TEX11: variants seen among roughly 807,000 people sequenced by gnomAD.
TEX11 encodes testis expressed 11.
Under a neutral mutation model 84.4 loss-of-function variants are expected in TEX11, and 7 were observed. The observed-to-expected ratio is 0.08, with a 90% CI of 0.05 to 0.16. The LOEUF is 0.16. TEX11 is among the 10% of genes least tolerant of loss of function. The pLI, the probability that TEX11 is intolerant of heterozygous loss-of-function variation, is 1.00. For missense variants in TEX11, 551 were observed against 660.5 expected (o/e 0.83, Z 1.82); for synonymous variants, 264 against 222.8 (o/e 1.18, Z -1.64).
At chrX:70,801,872 A>G (rs1569444990) in intron 9 of TEX11, among the ~76,000 whole-genome samples, 1 of 111,127 alleles carries the variant, frequency 9.0e-6, no homozygotes, top group Non-Finnish European at 1.9e-5. Context: ...TGTACTCTAG[A>G]GAAGTATTCC....
At position 70,569,390 on chromosome X, in the gene TEX11, C is replaced by T. The variant is rs140378364; in HGVS notation, c.2141-14590G>A. 6.3e-3 allele frequency among the ~76,000 whole-genome samples: 708 copies of T among 111,975 alleles called. 5 individuals carry two copies. The highest frequency in any genetic ancestry group is 0.02 in the African/African-American group (627 of 30,816). ...CTCAGAGTAGTTTGATTGTCTGAAGCCTTCTTCTCTCACCTCGTCAAAGTC... is the reference window on the plus strand; with the variant it reads ...CTCAGAGTAGTTTGATTGTCTGAAGTCTTCTTCTCTCACCTCGTCAAAGTC... On this transcript the variant is annotated intron_variant, in intron 25 of 29. Transcript: ENST00000374333.
chrX:70,660,028 T>C (rs770792375), intron 16 of TEX11, among the ~76,000 whole-genome samples: 4 of 112,497 alleles, frequency 3.6e-5, no homozygotes, highest in African/African-American at 1.3e-4. Flanking sequence ...GTGACTGTAC[T>C]GAATACTGTA....
downstream of TEX11, among the ~76,000 whole-genome samples, chrX:70,527,315 T>TTAAC (rs1410146692): frequency 8.9e-6 from 1 of 112,260 alleles, no homozygotes; most frequent in Non-Finnish European, 1.9e-5. Flanking sequence ...AGACATCTTC[T>TTAAC]TAACTTCAGT....
chrX:70,525,700 T>C (rs1252266065), downstream of TEX11, among the ~76,000 whole-genome samples: 2 of 111,807 alleles, frequency 1.8e-5, no homozygotes, highest in Non-Finnish European at 3.8e-5. Flanking sequence ...GAAATGGACA[T>C]TAATCAAATT....
intron 16 of TEX11, among the ~76,000 whole-genome samples, chrX:70,656,682 G>A (rs1390552088): frequency 9.0e-6 from 1 of 111,719 alleles, no homozygotes; most frequent in Non-Finnish European, 1.9e-5. Flanking sequence ...AGAAAAAAAA[G>A]GAAGTAATAG....
At chrX:70,825,230 T>G (rs1023317870) in intron 8 of TEX11, among the ~76,000 whole-genome samples, 1 of 109,819 alleles carries the variant, frequency 9.1e-6, no homozygotes, top group African/African-American at 3.3e-5. Flanking sequence ...GAAAAGCGCT[T>G]GAACCCGGGA....
intron 9 of TEX11, among the ~76,000 whole-genome samples, chrX:70,758,779 T>C (rs1216415084): frequency 1.8e-5 from 2 of 111,608 alleles, no homozygotes; most frequent in Admixed American, 9.5e-5. Flanking sequence ...AGAGCAGAAC[T>C]GAAGGAAACA....
chrX:70,832,912 A>G (rs867061274), intron 8 of TEX11, among the ~76,000 whole-genome samples: 3 of 111,884 alleles, frequency 2.7e-5, no homozygotes, highest in African/African-American at 9.7e-5. Context: ...TATAGCATGA[A>G]TATGGAGCAA....
chrX:70,588,267 A>G (rs2088880508), intron 25 of TEX11, among the ~76,000 whole-genome samples: 1 of 111,551 alleles, frequency 9.0e-6, no homozygotes, highest in South Asian at 3.8e-4. Context: ...GTGGAACCAT[A>G]TGGTTAGGCT....
rs2091564999 is a variant in TEX11 at position 70,860,901 on chromosome X, C to T, written c.280G>A (p.Glu94Lys). 2 of 1,188,151 alleles carry T rather than the reference C, an allele frequency of 1.7e-6. No homozygotes were observed. The highest frequency in any genetic ancestry group is 1.8e-5 in the African/African-American group (1 of 56,107). Residue 94 changes from glutamate (E) to lysine (K), a missense_variant, in exon 5 of 30, where the codon GAA becomes AAA. Transcript: ENST00000374333. The part of the protein sequence containing the change: ...YVACKLLSMC[E>K]ASFASEQSIQ... ...CTTTGTTCTGAGGCAAATGAGGCTT[C>T]ACACATACTCAGCAACTTGCAAGCA...
chrX:70,776,771 G>A (rs1185101520), intron 9 of TEX11, among the ~76,000 whole-genome samples: 2 of 110,535 alleles, frequency 1.8e-5, no homozygotes, highest in Admixed American at 9.7e-5. Context: ...GTGGGTGGGA[G>A]AGGGGAGAAA....
intron 2 of TEX11, among the ~76,000 whole-genome samples, chrX:70,891,288 C>T (rs1052814653): frequency 8.9e-6 from 1 of 111,796 alleles, no homozygotes; most frequent in Admixed American, 9.5e-5. Flanking sequence ...CCAGAGCAGA[C>T]AAGCTGAAAA....
intron 25 of TEX11, among the ~76,000 whole-genome samples, chrX:70,560,544 T>C (rs1004067209): frequency 1.8e-5 from 2 of 111,709 alleles, no homozygotes; most frequent in Non-Finnish European, 3.8e-5. Flanking sequence ...GTCAAGCTTA[T>C]GTATTGGCAT....
chrX:70,542,907 C>G (rs369916180), intron 28 of TEX11, among the ~76,000 whole-genome samples: 1 of 112,261 alleles, frequency 8.9e-6, no homozygotes, highest in African/African-American at 3.2e-5. Context: ...GCAGGCTGGG[C>G]GCGGTGGCTC....
intron 8 of TEX11, among the ~76,000 whole-genome samples, chrX:70,817,561 G>A (rs773599836): frequency 1.8e-5 from 2 of 110,939 alleles, no homozygotes; most frequent in African/African-American, 3.3e-5. Flanking sequence ...GGACACGCCT[G>A]TAATGGCAGC....
chrX:70,760,826 T>C (rs1279217643), intron 9 of TEX11, among the ~76,000 whole-genome samples: 1 of 111,625 alleles, frequency 9.0e-6, no homozygotes, highest in Non-Finnish European at 1.9e-5. Flanking sequence ...ACAGGCAGCC[T>C]ACAGAATGGG....
At chrX:70,619,289 T>C (rs1463144716) in intron 20 of TEX11, among the ~76,000 whole-genome samples, 2 of 111,444 alleles carry the variant, frequency 1.8e-5, no homozygotes, top group African/African-American at 6.5e-5. Context: ...AGGGTGTGTC[T>C]TTACCCTATC....
chrX:70,744,877 ATT>A (rs773966964), intron 9 of TEX11, among the ~76,000 whole-genome samples: 3 of 97,999 alleles, frequency 3.1e-5, no homozygotes, highest in Non-Finnish European at 6.2e-5. Context: ...TGCGTGGCTA[ATT>A]TTTTTTTTTT....
At chrX:70,525,568 C>T, downstream of TEX11, among the ~76,000 whole-genome samples, 1 of 100,238 alleles carries the variant, frequency 1.0e-5, no homozygotes, top group Non-Finnish European at 2.0e-5. Flanking sequence ...GCCTGGGCAA[C>T]AGAGCAGGAC....
Sources: allele counts gnomAD v4.1 joint callset (sites outside exome capture counted in the v4.1 genomes callset), GRCh38; gene constraint gnomAD v4.1.1; transcripts MANE v1.5; gene names NCBI Gene and HGNC (gene_info 2026-07-23, HGNC 2026-07-21).